SESN3: variants seen among roughly 807,000 people sequenced by gnomAD.
The protein encoded by SESN3 is sestrin 3, also known as sestrin-3.
A neutral mutation model predicts 55.3 loss-of-function variants in SESN3; 21 were observed. The ratio of observed to expected loss-of-function variants is 0.38; its 90% CI spans 0.27 to 0.55. The LOEUF is 0.55. Ranked by LOEUF, SESN3 falls within the 20% of genes least tolerant of loss-of-function variation. SESN3 has a pLI of 0.76. For missense variants in SESN3, 408 were observed against 604.3 expected (o/e 0.68, Z 3.41); for synonymous variants, 181 against 203.1 (o/e 0.89, Z 0.93).
At position 95,167,864 on chromosome 11, in the gene SESN3, C is replaced by CTCTT. The variant is rs375256292; in HGVS notation, c.*5387_*5390dup. ...AGAGAAGAACTATTACATCTTCTTC[C>CTCTT]TCTTTGCATTTCCTCTTCCTTCTGG... On this transcript the variant is annotated 3_prime_UTR_variant, in exon 10 of 10. Transcript: ENST00000536441. 28 of 152,296 alleles carry CTCTT rather than the reference C, an allele frequency of 1.8e-4. No homozygotes were observed. The highest frequency in any genetic ancestry group is 6.7e-4 in the African/African-American group (28 of 41,558). 9.4% of individuals were successfully genotyped at this position (152,296 alleles called of 1,614,324 possible).
At chr11:95,215,256 A>AGGGGTGG (rs2134259969) in intron 1 of SESN3, among the ~76,000 whole-genome samples, 1 of 115,720 alleles carries the variant, frequency 8.6e-6, no homozygotes, top group Middle Eastern at 5.0e-3. Flanking sequence ...CAGCAGGTCT[A>AGGGGTGG]GGGGTGGGGG....
chr11:95,201,583 A>G (rs570266354), intron 1 of SESN3, among the ~76,000 whole-genome samples: 10 of 152,146 alleles, frequency 6.6e-5, no homozygotes, highest in African/African-American at 2.4e-4. Flanking sequence ...ACAAGCTTCT[A>G]AAAACAAAAG....
chr11:95,192,416 T>A (rs1860285892), intron 2 of SESN3, among the ~76,000 whole-genome samples: 1 of 152,078 alleles, frequency 6.6e-6, no homozygotes, highest in Admixed American at 6.6e-5. Flanking sequence ...TAAGAGTGGT[T>A]CATTGTTTAT....
rs1246685887 is a variant in SESN3 at position 95,165,595 on chromosome 11, T to A, written c.*7660A>T. The A allele has an allele frequency of 1.3e-5, 2 of 152,160 alleles. No individual in the cohort carries two copies. Among genetic ancestry groups the A allele is most frequent in the Non-Finnish European group, 2.9e-5 (2 of 68,004 alleles). 9.4% of individuals were successfully genotyped at this position (152,160 alleles called of 1,614,324 possible). A position where few individuals can be genotyped will look rare whatever the true frequency, so the allele number is the denominator to read the frequency against. On this transcript the variant is annotated 3_prime_UTR_variant, in exon 10 of 10. Coordinates refer to ENST00000536441, the MANE Select transcript of SESN3 (RefSeq NM_144665.4). ...CCAATAAAATTCCTACTAATAACAATGAAATAAATTTCTGCAAGTATAAAT... is the reference window on the plus strand; with the variant it reads ...CCAATAAAATTCCTACTAATAACAAAGAAATAAATTTCTGCAAGTATAAAT...
intron 1 of SESN3, among the ~76,000 whole-genome samples, chr11:95,199,647 A>T (rs1348259034): frequency 6.6e-6 from 1 of 152,102 alleles, no homozygotes; most frequent in Non-Finnish European, 1.5e-5. Flanking sequence ...ACTTCCAAAG[A>T]AAATTAATTG....
intron 1 of SESN3, chr11:95,203,825 G>A (rs1860499978): frequency 6.6e-6 from 1 of 152,624 alleles, no homozygotes; most frequent in Admixed American, 6.5e-5. Context: ...GTGGTTTGCT[G>A]GTGTGGACAT....
chr11:95,175,596 T>G lies in SESN3; in HGVS notation c.1294A>C (p.Ser432Arg). ...YGEVNQLLER[S>R]LKVYIKTVTC... The stretch of plus-strand genomic sequence containing the variant: ...ACTGTCTTAATGTAAACCTTCAGGC[T>G]TCTTTCAAGTAATTGATTAACTTCT... The change falls in exon 9 of 10, where the codon AGC becomes CGC. Residue 432 changes from serine (S) to arginine (R), a missense_variant. Around this residue, in one of 4 missense-constraint regions of SESN3, gnomAD observed 121 missense variants for 204.9 expected, o/e 0.59. Coordinates refer to ENST00000536441, the MANE Select transcript of SESN3 (RefSeq NM_144665.4). 1 of 1,613,196 alleles carries G rather than the reference T, an allele frequency of 6.2e-7. No homozygotes were observed. The highest frequency in any genetic ancestry group is 8.5e-7 in the Non-Finnish European group (1 of 1,179,198).
At chr11:95,212,323 A>G (rs1402218170) in intron 1 of SESN3, among the ~76,000 whole-genome samples, 1 of 152,182 alleles carries the variant, frequency 6.6e-6, no homozygotes, top group East Asian at 1.9e-4. Context: ...ATAATTATTT[A>G]GAAAACATCT....
intron 1 of SESN3, among the ~76,000 whole-genome samples, chr11:95,206,647 T>C (rs1444344870): frequency 1.3e-5 from 2 of 152,158 alleles, no homozygotes; most frequent in African/African-American, 2.4e-5. Context: ...CAGGCCCTTT[T>C]CTGTTCTTTA....
At chr11:95,190,526 T>G (rs1403397376) in intron 3 of SESN3, among the ~76,000 whole-genome samples, 1 of 151,972 alleles carries the variant, frequency 6.6e-6, no homozygotes. Context: ...ATTATTTTAT[T>G]CTTTCTATTC....
intron 1 of SESN3, chr11:95,200,911 C>T (rs1197418056): frequency 6.6e-6 from 1 of 151,966 alleles, no homozygotes; most frequent in Non-Finnish European, 1.5e-5. Flanking sequence ...ATTTCTTTAC[C>T]TCCTCTCTCT....
chr11:95,194,489 G>C (rs1033819799), intron 1 of SESN3, among the ~76,000 whole-genome samples: 1 of 152,100 alleles, frequency 6.6e-6, no homozygotes, highest in East Asian at 1.9e-4. Context: ...GAGGAAAACA[G>C]ATATGCTCTC....
intron 1 of SESN3, among the ~76,000 whole-genome samples, chr11:95,216,678 T>G (rs1382731747): frequency 6.6e-6 from 1 of 151,960 alleles, no homozygotes; most frequent in Non-Finnish European, 1.5e-5. Context: ...CCACAACAGC[T>G]CTAATAAAAA....
At chr11:95,195,762 A>G (rs1860349419) in intron 1 of SESN3, among the ~76,000 whole-genome samples, 1 of 152,204 alleles carries the variant, frequency 6.6e-6, no homozygotes, top group African/African-American at 2.4e-5. Flanking sequence ...AAGTGGACTT[A>G]CTATGGTTTG....
intron 1 of SESN3, among the ~76,000 whole-genome samples, chr11:95,219,516 G>A (rs1860820877): frequency 6.6e-6 from 1 of 152,016 alleles, no homozygotes; most frequent in Non-Finnish European, 1.5e-5. Context: ...TAACAAATAT[G>A]CCACCCCACT....
intron 4 of SESN3, 106 bp downstream of exon 4, chr11:95,189,673 T>A: frequency 1.5e-6 from 1 of 687,732 alleles, no homozygotes; most frequent in Non-Finnish European, 2.3e-6. Flanking sequence ...TCATCTTTTC[T>A]ACACATACTA....
At position 95,170,063 on chromosome 11, in the gene SESN3, T is replaced by C. The variant is rs747446903; in HGVS notation, c.*3192A>G. On this transcript the variant is annotated 3_prime_UTR_variant, in exon 10 of 10. Transcript: ENST00000536441. ...TTAAAAATACCCCAAATGGGACAAA[T>C]TCATACTGGGACTGAGACAATGTAC... The C allele has an allele frequency of 2.6e-5, 4 of 152,110 alleles. No homozygotes were observed. Among genetic ancestry groups the C allele is most frequent in the Non-Finnish European group, 5.9e-5 (4 of 68,010 alleles). 9.4% of individuals were successfully genotyped at this position (152,110 alleles called of 1,614,324 possible). A position where few individuals can be genotyped will look rare whatever the true frequency, so the allele number is the denominator to read the frequency against.
Position 95,177,865 on chromosome 11 carries a change from A to C in SESN3, c.1101T>G (p.Leu367=), listed in dbSNP as rs763553129. 1.2e-5 allele frequency: 19 copies of C among 1,603,790 alleles called. No homozygotes were observed. Among genetic ancestry groups the C allele is most frequent in the Non-Finnish European group, 1.6e-5 (19 of 1,176,566 alleles). The change falls in exon 8 of 10, where the codon CTT becomes CTG. Residue 367 remains leucine, a synonymous_variant. Coordinates refer to ENST00000536441, the MANE Select transcript of SESN3 (RefSeq NM_144665.4). The part of the protein sequence containing the change: ...ENHGFSLVNR[L]YSDIGHLLDE... Reference sequence around the variant, plus strand: ...CAAGAAGATGTCCAATGTCAGAATAAAGTCTGTTCACCAGGGAGAACCCAT... The same window carrying C: ...CAAGAAGATGTCCAATGTCAGAATACAGTCTGTTCACCAGGGAGAACCCAT...
At chr11:95,217,521 G>A (rs1194112948) in intron 1 of SESN3, among the ~76,000 whole-genome samples, 1 of 151,844 alleles carries the variant, frequency 6.6e-6, no homozygotes, top group Non-Finnish European at 1.5e-5. Context: ...GCACGGTGGT[G>A]GGCACCTGTA....
Sources: gnomAD v4.1 joint callset for allele counts (sites outside exome capture counted in the v4.1 genomes callset) on GRCh38, gnomAD v4.1.1 for gene constraint, gnomAD v4.1.1 regional missense constraint, MANE v1.5 for transcripts, NCBI Gene and HGNC (gene_info 2026-07-23, HGNC 2026-07-21) for gene names.